Variants in TAFA1 observed in about 807,000 individuals in gnomAD.
The protein encoded by TAFA1 is TAFA chemokine like family member 1, also known as chemokine-like protein TAFA-1.
TAFA1 carries 4 observed loss-of-function variants against 18.5 expected under a neutral mutation model. The ratio of observed to expected loss-of-function variants is 0.22; its 90% CI spans 0.11 to 0.49. The LOEUF is 0.49. Ranked by LOEUF, TAFA1 falls within the 20% of genes least tolerant of loss-of-function variation. TAFA1 has a pLI of 0.98. For missense variants in TAFA1, 147 were observed against 169.0 expected, an observed-to-expected ratio of 0.87 and a Z score of 0.72; for synonymous variants, 56 against 55.2, an observed-to-expected ratio of 1.01 and a Z score of -0.06.
At chr3:68,404,510 A>G (rs2106756908) in intron 2 of TAFA1, among the ~76,000 whole-genome samples, 1 of 152,256 alleles carries the variant, frequency 6.6e-6, no homozygotes, top group African/African-American at 2.4e-5. Context: ...ACCAAAAAAA[A>G]GAGAAAGGGC....
At chr3:68,397,289 G>T (rs1048243267) in intron 2 of TAFA1, among the ~76,000 whole-genome samples, 3 of 151,482 alleles carry the variant, frequency 2.0e-5, no homozygotes, top group Non-Finnish European at 4.4e-5. Context: ...TTAGGTATTT[G>T]TCCTAATGCT....
chr3:68,300,505 C>G (rs2068283355), intron 2 of TAFA1, among the ~76,000 whole-genome samples: 1 of 152,138 alleles, frequency 6.6e-6, no homozygotes, highest in Non-Finnish European at 1.5e-5. Flanking sequence ...TGTCTTATCT[C>G]AGATGAGGCT....
At chr3:68,485,995 A>AT (rs2072329070) in intron 3 of TAFA1, among the ~76,000 whole-genome samples, 1 of 152,130 alleles carries the variant, frequency 6.6e-6, no homozygotes. Context: ...TGGTGTGATC[A>AT]TGGCTCACTG....
chr3:68,374,201 G>A (rs985513325), intron 2 of TAFA1, among the ~76,000 whole-genome samples: 2 of 152,104 alleles, frequency 1.3e-5, no homozygotes, highest in Admixed American at 6.6e-5. Flanking sequence ...AGTCAGATGC[G>A]TGTGAGAATT....
intron 2 of TAFA1, among the ~76,000 whole-genome samples, chr3:68,401,960 T>G (rs890060754): frequency 1.3e-5 from 2 of 152,232 alleles, no homozygotes; most frequent in African/African-American, 4.8e-5. Flanking sequence ...CATTAATAAC[T>G]GCTACAGCTA....
At chr3:68,291,360 T>A (rs1196620194) in intron 2 of TAFA1, among the ~76,000 whole-genome samples, 1 of 152,186 alleles carries the variant, frequency 6.6e-6, no homozygotes, top group African/African-American at 2.4e-5. Context: ...AGTATTTACA[T>A]ATTTTTTTTA....
chr3:68,136,491 C>T (rs1018859228), intron 2 of TAFA1, among the ~76,000 whole-genome samples: 6 of 152,098 alleles, frequency 3.9e-5, no homozygotes, highest in Non-Finnish European at 7.4e-5. Context: ...GCTCTGGGGC[C>T]GCTGCAGCCT....
chr3:68,009,720 T>C (rs925178018), intron 2 of TAFA1, among the ~76,000 whole-genome samples: 1 of 152,196 alleles, frequency 6.6e-6, no homozygotes, highest in Non-Finnish European at 1.5e-5. Flanking sequence ...CATAGCCATA[T>C]TCTAGATTAT....
At chr3:68,338,269 CA>C (rs777208420) in intron 2 of TAFA1, among the ~76,000 whole-genome samples, 38 of 152,158 alleles carry the variant, frequency 2.5e-4, no homozygotes, top group Non-Finnish European at 4.0e-4. Context: ...ATCCCTGTTC[CA>C]AACCTGTATT....
intron 2 of TAFA1, among the ~76,000 whole-genome samples, chr3:68,268,523 T>C (rs775176107): frequency 4.6e-5 from 7 of 152,062 alleles, no homozygotes; most frequent in Non-Finnish European, 8.8e-5. Context: ...GGTATTATCA[T>C]CATTTTTTCT....
intron 2 of TAFA1, among the ~76,000 whole-genome samples, chr3:68,288,003 G>T (rs910229421): frequency 2.6e-5 from 4 of 151,282 alleles, no homozygotes; most frequent in African/African-American, 9.7e-5. Context: ...ATTTTCACAG[G>T]CCACTGTCCA....
chr3:68,473,779 G>C (rs576796870), intron 3 of TAFA1, among the ~76,000 whole-genome samples: 2 of 152,052 alleles, frequency 1.3e-5, no homozygotes, highest in African/African-American at 4.8e-5. Flanking sequence ...CTCCAGAAAG[G>C]CCTTTCCTAT....
chr3:68,498,723 T>G (rs890987899), intron 3 of TAFA1, among the ~76,000 whole-genome samples: 4 of 7,700 alleles, frequency 5.2e-4, no homozygotes, highest in Admixed American at 2.3e-3. Context: ...GTTTGGTGGC[T>G]TTTTTTTTTT....
At chr3:68,309,808 G>A (rs953977147) in intron 2 of TAFA1, among the ~76,000 whole-genome samples, 22 of 152,272 alleles carry the variant, frequency 1.4e-4, no homozygotes, top group Admixed American at 1.1e-3. Flanking sequence ...CCAGAACCCA[G>A]GTTCTCTCTT....
intron 2 of TAFA1, among the ~76,000 whole-genome samples, chr3:68,168,653 A>G (rs181671609): frequency 3.3e-5 from 5 of 152,222 alleles, no homozygotes; most frequent in Admixed American, 1.3e-4. Context: ...ATTATTCCTG[A>G]TTATTTTGGA....
chr3:68,146,210 G>T (rs1256268610), intron 2 of TAFA1, among the ~76,000 whole-genome samples: 1 of 152,212 alleles, frequency 6.6e-6, no homozygotes, highest in Non-Finnish European at 1.5e-5. Flanking sequence ...GCAGATTCTG[G>T]TTGAGTGGGT....
At chr3:68,187,616 C>A (rs1262130282) in intron 2 of TAFA1, among the ~76,000 whole-genome samples, 1 of 151,974 alleles carries the variant, frequency 6.6e-6, no homozygotes, top group Non-Finnish European at 1.5e-5. Context: ...GTAACAATGC[C>A]ATGAACTTTC....
At chr3:68,305,415 A>AC (rs1559608843) in intron 2 of TAFA1, among the ~76,000 whole-genome samples, 42 of 29,822 alleles carry the variant, frequency 1.4e-3, no homozygotes, top group South Asian at 2.9e-3. Context: ...ATGACTATAT[A>AC]TATATATATA....
chr3:68,492,422 G>A (rs2072470256), intron 3 of TAFA1, among the ~76,000 whole-genome samples: 1 of 152,012 alleles, frequency 6.6e-6, no homozygotes. Flanking sequence ...AGGGAAATCC[G>A]ACTTCAGAGA....
Sources: allele counts gnomAD v4.1 joint callset (sites outside exome capture counted in the v4.1 genomes callset), GRCh38; gene constraint gnomAD v4.1.1; transcripts MANE v1.5; gene names NCBI Gene and HGNC (gene_info 2026-07-23, HGNC 2026-07-21).